The following NPAS3 variants were observed in gnomAD, a reference collection of about 807,000 sequenced individuals.
NPAS3 encodes neuronal PAS domain-containing protein 3.
NPAS3 carries 14 observed loss-of-function variants against 73.1 expected under a neutral mutation model. The observed-to-expected ratio is 0.19, with a 90% CI of 0.13 to 0.30. The LOEUF is 0.30. NPAS3 is among the 10% of genes least tolerant of loss of function. The probability of loss-of-function intolerance (pLI) is 1.00; values close to 1 mark genes in which losing one functional copy is unlikely to be tolerated. For missense variants in NPAS3, 1,096 were observed against 1,250.0 expected (o/e 0.88, Z 1.86); for synonymous variants, 620 against 541.5 (o/e 1.14, Z -2.01).
intron 5 of NPAS3, among the ~76,000 whole-genome samples, chr14:33,569,547 C>A (rs1021897679): frequency 6.6e-6 from 1 of 152,032 alleles, no homozygotes; most frequent in Admixed American, 6.6e-5. Flanking sequence ...CCCTCTTGGC[C>A]TTCTCTCGCC....
exon 7 of NPAS3, chr14:33,735,267 T>G: frequency 6.2e-7 from 1 of 1,613,528 alleles, no homozygotes; most frequent in Middle Eastern, 1.7e-4. Context: ...TGAGCGTTCC[T>G]TTTTCATCCG....
intron 3 of NPAS3, among the ~76,000 whole-genome samples, chr14:33,249,592 C>G (rs1237071521): frequency 6.6e-6 from 1 of 152,134 alleles, no homozygotes; most frequent in African/African-American, 2.4e-5. Context: ...CTCTTTCCTT[C>G]TTCCTGGGGA....
At chr14:33,329,653 G>A (rs2043889002) in intron 3 of NPAS3, among the ~76,000 whole-genome samples, 1 of 152,076 alleles carries the variant, frequency 6.6e-6, no homozygotes, top group African/African-American at 2.4e-5. Context: ...GGGCACGATG[G>A]GGTAGGCAGG....
intron 2 of NPAS3, among the ~76,000 whole-genome samples, chr14:33,066,044 G>T (rs556851549): frequency 1.1e-4 from 16 of 152,268 alleles, no homozygotes; most frequent in African/African-American, 3.8e-4. Flanking sequence ...TCTTGGTGAA[G>T]AATATATTTT....
At chr14:33,319,098 G>A (rs923931550) in intron 3 of NPAS3, among the ~76,000 whole-genome samples, 1 of 150,822 alleles carries the variant, frequency 6.6e-6, no homozygotes, top group Non-Finnish European at 1.5e-5. Flanking sequence ...TCAGTTGAGT[G>A]TGTAGATCTT....
chr14:32,947,209 A>C (rs1326736251), intron 1 of NPAS3, among the ~76,000 whole-genome samples: 3 of 152,142 alleles, frequency 2.0e-5, no homozygotes, highest in Middle Eastern at 6.8e-3. Context: ...TATAATTAAC[A>C]CTCTCTTCCC....
At chr14:32,997,371 A>C (rs1282250849) in intron 1 of NPAS3, among the ~76,000 whole-genome samples, 1 of 152,150 alleles carries the variant, frequency 6.6e-6, no homozygotes, top group East Asian at 1.9e-4. Flanking sequence ...TTGGGAAGGC[A>C]TGATTGGTTT....
chr14:33,098,644 C>G (rs948743789), intron 2 of NPAS3, among the ~76,000 whole-genome samples: 6 of 152,156 alleles, frequency 3.9e-5, no homozygotes, highest in Non-Finnish European at 5.9e-5. Context: ...TACCAAAGTT[C>G]CGGTCTCTAC....
intron 3 of NPAS3, among the ~76,000 whole-genome samples, chr14:33,265,937 A>C (rs2040794966): frequency 6.6e-6 from 1 of 151,592 alleles, no homozygotes; most frequent in Non-Finnish European, 1.5e-5. Flanking sequence ...AGAAGTAGAG[A>C]TAGGTATATA....
intron 3 of NPAS3, among the ~76,000 whole-genome samples, chr14:33,289,639 G>A (rs2042015769): frequency 6.6e-6 from 1 of 151,998 alleles, no homozygotes; most frequent in Admixed American, 6.6e-5. Flanking sequence ...TGGCCAACAT[G>A]GTGAAACCCC....
chr14:33,485,363 C>T (rs1365309074), intron 4 of NPAS3, among the ~76,000 whole-genome samples: 2 of 152,088 alleles, frequency 1.3e-5, no homozygotes, highest in African/African-American at 2.4e-5. Context: ...TCATTTAAGT[C>T]GGTGCTTGCC....
intron 4 of NPAS3, among the ~76,000 whole-genome samples, chr14:33,514,044 G>T (rs895122325): frequency 2.0e-5 from 3 of 151,990 alleles, no homozygotes; most frequent in African/African-American, 7.2e-5. Flanking sequence ...AGATGATTAG[G>T]TCACAAGTGA....
At chr14:33,722,673 T>C (rs1424634931) in intron 6 of NPAS3, among the ~76,000 whole-genome samples, 2 of 152,152 alleles carry the variant, frequency 1.3e-5, no homozygotes, top group East Asian at 3.9e-4. Context: ...ATTAGCTTAA[T>C]TAAAGATGTC....
intron 7 of NPAS3, among the ~76,000 whole-genome samples, chr14:33,745,888 C>T (rs1484375408): frequency 6.6e-6 from 1 of 152,132 alleles, no homozygotes; most frequent in African/African-American, 2.4e-5. Flanking sequence ...AAATGGTTTT[C>T]TTTGGGATTG....
At chr14:33,332,379 C>A (rs1263212382) in intron 3 of NPAS3, among the ~76,000 whole-genome samples, 1 of 152,078 alleles carries the variant, frequency 6.6e-6, no homozygotes, top group Non-Finnish European at 1.5e-5. Flanking sequence ...GACTATTTTT[C>A]TTTTCAAATA....
chr14:33,031,308 A>G (rs1405371481), intron 1 of NPAS3, among the ~76,000 whole-genome samples: 1 of 152,210 alleles, frequency 6.6e-6, no homozygotes, highest in African/African-American at 2.4e-5. Context: ...GTTATATGAA[A>G]TGTATAGCAA....
chr14:33,350,541 T>G (rs1007448822), intron 3 of NPAS3, among the ~76,000 whole-genome samples: 6 of 152,308 alleles, frequency 3.9e-5, no homozygotes, highest in Middle Eastern at 6.8e-3. Flanking sequence ...TCTGGGTGTA[T>G]GCAAATTGGT....
At chr14:33,511,596 T>A (rs1413725761) in intron 4 of NPAS3, among the ~76,000 whole-genome samples, 1 of 152,070 alleles carries the variant, frequency 6.6e-6, no homozygotes, top group African/African-American at 2.4e-5. Flanking sequence ...CAGCCACTAG[T>A]TTCTTGTGAA....
chr14:33,573,043 A>AAAAG (rs2056290300), intron 5 of NPAS3, among the ~76,000 whole-genome samples: 1 of 151,442 alleles, frequency 6.6e-6, no homozygotes. Flanking sequence ...AAAAAAAAAA[A>AAAAG]GTTAATTCTC....
Sources: allele counts gnomAD v4.1 joint callset (sites outside exome capture counted in the v4.1 genomes callset), GRCh38; gene constraint gnomAD v4.1.1; transcripts MANE v1.5; gene names NCBI Gene and HGNC (gene_info 2026-07-23, HGNC 2026-07-21).